The following FLI1 variants were observed in gnomAD, a reference collection of about 807,000 sequenced individuals.
FLI1 encodes the protein Friend leukemia integration 1 transcription factor.
In FLI1, 13 loss-of-function variants were observed where a neutral mutation model predicts 53.1. The observed-to-expected ratio is 0.24, with a 90% CI of 0.16 to 0.39. The LOEUF is 0.39. Among genes scored for constraint, FLI1 ranks in the 10% least tolerant of loss-of-function variants. FLI1 has a pLI of 1.00. For synonymous variants in FLI1, 244 were observed against 236.7 expected, an observed-to-expected ratio of 1.03 and a Z score of -0.28; for missense variants, 424 against 600.5, an observed-to-expected ratio of 0.71 and a Z score of 3.07.
At chr11:128,730,764 G>T (rs1369060026) in intron 1 of FLI1, among the ~76,000 whole-genome samples, 2 of 152,210 alleles carry the variant, frequency 1.3e-5, no homozygotes, top group African/African-American at 4.8e-5. Flanking sequence ...ACTAATTAAT[G>T]ATTTTCAAGG....
intron 1 of FLI1, among the ~76,000 whole-genome samples, chr11:128,703,912 C>T (rs1385407778): frequency 2.0e-5 from 3 of 146,436 alleles, no homozygotes; most frequent in African/African-American, 7.6e-5. Flanking sequence ...GGTGAATGGG[C>T]ACCAAGATTT....
At chr11:128,734,894 G>A (rs1038437616) in intron 1 of FLI1, among the ~76,000 whole-genome samples, 2 of 152,204 alleles carry the variant, frequency 1.3e-5, no homozygotes, top group Non-Finnish European at 2.9e-5. Context: ...AAGAAAAATA[G>A]TATCAATATG....
chr11:128,768,694 A>AAAAAC, intron 3 of FLI1, among the ~76,000 whole-genome samples: 1 of 150,812 alleles, frequency 6.6e-6, no homozygotes, highest in African/African-American at 2.4e-5. Context: ...GTCTCAAAAA[A>AAAAAC]AAAAAAAAAA....
At chr11:128,777,341 GA>G (rs35403129) in intron 4 of FLI1, among the ~76,000 whole-genome samples, 71,851 of 151,334 alleles carry the variant, frequency 0.47, 18,777 homozygotes, top group African/African-American at 0.71. Flanking sequence ...GTCTGACCTG[GA>G]AAAAAAAACA....
intron 5 of FLI1, among the ~76,000 whole-genome samples, chr11:128,782,333 C>G (rs1323611511): frequency 6.6e-6 from 1 of 152,126 alleles, no homozygotes; most frequent in African/African-American, 2.4e-5. Flanking sequence ...GGAGTTTTCT[C>G]TGATGAAAAT....
chr11:128,709,917 GT>G (rs1565460064), intron 1 of FLI1, among the ~76,000 whole-genome samples: 1 of 152,226 alleles, frequency 6.6e-6, no homozygotes, highest in Non-Finnish European at 1.5e-5. Flanking sequence ...TAATTGGGTT[GT>G]GACAGTCTGT....
chr11:128,791,321 G>A (rs780005733), intron 5 of FLI1, among the ~76,000 whole-genome samples: 6 of 151,986 alleles, frequency 3.9e-5, no homozygotes, highest in Admixed American at 6.5e-5. Context: ...TTCCTTTGCC[G>A]GGTATACCTT....
At chr11:128,804,126 A>G (rs1288324909) in intron 5 of FLI1, 2 of 152,238 alleles carry the variant, frequency 1.3e-5, no homozygotes, top group African/African-American at 4.8e-5. Context: ...CCACAAAAAA[A>G]GTGTCCCTGT....
intron 1 of FLI1, among the ~76,000 whole-genome samples, chr11:128,752,722 C>A (rs937207462): frequency 1.3e-4 from 20 of 152,304 alleles, no homozygotes; most frequent in African/African-American, 4.8e-4. Context: ...GAATACATCC[C>A]TCATAGAATT....
intron 7 of FLI1, among the ~76,000 whole-genome samples, chr11:128,808,477 T>C (rs1399688357): frequency 6.6e-6 from 1 of 152,132 alleles, no homozygotes; most frequent in Non-Finnish European, 1.5e-5. Context: ...GAAAGTGAGA[T>C]TTTAAGAATA....
rs979040299 is a variant in FLI1 at position 128,714,893 on chromosome 11, G to A, written c.18+20617G>A. On this transcript the variant is annotated intron_variant, in intron 1 of 8. Coordinates refer to ENST00000527786, the MANE Select transcript of FLI1 (RefSeq NM_002017.5). ...CCAGCTAATTTTTGTATTTTTAGTA[G>A]AGACGGGGTTTCACCATGTTGGCCG... Among the ~76,000 whole-genome samples the A allele has an allele frequency of 4.6e-5, 7 of 152,090 alleles. No individual in the cohort carries two copies. In the East Asian group the frequency reaches 7.8e-4, roughly 17 times the overall value.
chr11:128,727,058 G>A (rs1006519063), intron 1 of FLI1, among the ~76,000 whole-genome samples: 3 of 152,070 alleles, frequency 2.0e-5, no homozygotes, highest in Non-Finnish European at 4.4e-5. Flanking sequence ...GTTAATATTT[G>A]GATATATTTT....
intron 1 of FLI1, among the ~76,000 whole-genome samples, chr11:128,750,349 G>T (rs1280020883): frequency 6.6e-6 from 1 of 152,196 alleles, no homozygotes; most frequent in African/African-American, 2.4e-5. Context: ...TGGGACATTG[G>T]TGCTTCTCAG....
At chr11:128,694,691 G>A (rs1478723220) in intron 1 of FLI1, among the ~76,000 whole-genome samples, 1 of 152,164 alleles carries the variant, frequency 6.6e-6, no homozygotes, top group African/African-American at 2.4e-5. Context: ...CTCCGCAGAG[G>A]CGGAACACGG....
At chr11:128,762,905 G>A (rs1027178556) in intron 2 of FLI1, among the ~76,000 whole-genome samples, 2 of 151,836 alleles carry the variant, frequency 1.3e-5, no homozygotes, top group Admixed American at 6.6e-5. Context: ...GCTGTGAGCC[G>A]AGATCATGCC....
At chr11:128,741,305 A>G (rs752577625) in intron 1 of FLI1, among the ~76,000 whole-genome samples, 1 of 152,216 alleles carries the variant, frequency 6.6e-6, no homozygotes, top group Non-Finnish European at 1.5e-5. Flanking sequence ...AGGCAGGAGA[A>G]TCGCTTGAAC....
chr11:128,783,417 A>G (rs1239106270), intron 5 of FLI1, among the ~76,000 whole-genome samples: 1 of 152,088 alleles, frequency 6.6e-6, no homozygotes, highest in Non-Finnish European at 1.5e-5. Flanking sequence ...GCTTTTAAAC[A>G]TTTGTGTTTT....
chr11:128,701,202 T>G (rs1466007799), intron 1 of FLI1, among the ~76,000 whole-genome samples: 1 of 152,222 alleles, frequency 6.6e-6, no homozygotes, highest in Non-Finnish European at 1.5e-5. Context: ...GTGATTATCC[T>G]TCTCATCCCT....
chr11:128,780,441 C>G (rs1436957944), intron 4 of FLI1, among the ~76,000 whole-genome samples: 1 of 152,156 alleles, frequency 6.6e-6, no homozygotes, highest in African/African-American at 2.4e-5. Context: ...ACTAAAAATA[C>G]AAAATTAGCC....
Sources: gnomAD v4.1 joint callset for allele counts (sites outside exome capture counted in the v4.1 genomes callset) on GRCh38, gnomAD v4.1.1 for gene constraint, MANE v1.5 for transcripts, NCBI Gene and HGNC (gene_info 2026-07-23, HGNC 2026-07-21) for gene names.